CTNNA1: variants seen among roughly 807,000 people sequenced by gnomAD.
CTNNA1 encodes catenin alpha 1.
A neutral mutation model predicts 98.4 loss-of-function variants in CTNNA1; 37 were observed. The ratio of observed to expected loss-of-function variants is 0.38; its 90% CI spans 0.29 to 0.49. The LOEUF is 0.49. Ranked by LOEUF, CTNNA1 falls within the 20% of genes least tolerant of loss-of-function variation. The probability of loss-of-function intolerance (pLI) is 0.95; values close to 1 mark genes in which losing one functional copy is unlikely to be tolerated. For synonymous variants in CTNNA1, 404 were observed against 413.2 expected, an observed-to-expected ratio of 0.98 and a Z score of 0.27; for missense variants, 761 against 1,147.2, an observed-to-expected ratio of 0.66 and a Z score of 4.86.
intron 3 of CTNNA1, among the ~76,000 whole-genome samples, chr5:138,790,504 G>A (rs1449992865): frequency 2.0e-5 from 3 of 152,122 alleles, no homozygotes; most frequent in Admixed American, 6.5e-5. Context: ...AGTTCCTATG[G>A]CAATGATAAG....
intron 7 of CTNNA1, among the ~76,000 whole-genome samples, chr5:138,849,337 C>T (rs573699104): frequency 6.6e-6 from 1 of 152,066 alleles, no homozygotes; most frequent in South Asian, 2.1e-4. Context: ...TTAACAAACC[C>T]ACTATCTCAT....
chr5:138,790,095 A>G (rs555547285), intron 3 of CTNNA1, among the ~76,000 whole-genome samples: 2 of 152,314 alleles, frequency 1.3e-5, no homozygotes, highest in Admixed American at 6.5e-5. Context: ...GCCCAGAGGT[A>G]GGACCTAGAG....
chr5:138,880,936 G>GAA (rs5871683), intron 7 of CTNNA1: 3,420 of 360,598 alleles, frequency 9.5e-3, no homozygotes, highest in South Asian at 0.015. Context: ...ATATGGCAAG[G>GAA]AAAAAAAAAA....
chr5:138,920,128 G>A (rs573332195), intron 11 of CTNNA1, among the ~76,000 whole-genome samples: 164 of 152,028 alleles, frequency 1.1e-3, no homozygotes, highest in African/African-American at 3.8e-3. Context: ...ACAGGTGCTT[G>A]CCACCATGCC....
chr5:138,855,990 T>C (rs1347666268), intron 7 of CTNNA1, among the ~76,000 whole-genome samples: 1 of 152,208 alleles, frequency 6.6e-6, no homozygotes, highest in African/African-American at 2.4e-5. Context: ...ACTAGGGACA[T>C]TATAGAGTTA....
intron 7 of CTNNA1, among the ~76,000 whole-genome samples, chr5:138,849,463 G>C (rs551333014): frequency 1.3e-5 from 2 of 152,278 alleles, no homozygotes; most frequent in African/African-American, 4.8e-5. Context: ...GGTAGGACAG[G>C]CAGTGTGAGG....
At chr5:138,908,187 C>G (rs1416461939) in intron 10 of CTNNA1, among the ~76,000 whole-genome samples, 1 of 152,074 alleles carries the variant, frequency 6.6e-6, no homozygotes, top group Non-Finnish European at 1.5e-5. Context: ...CCTTGTTGGT[C>G]AGGCTGATCC....
chr5:138,881,955 G>A (rs1752991931), intron 7 of CTNNA1, among the ~76,000 whole-genome samples: 1 of 152,162 alleles, frequency 6.6e-6, no homozygotes, highest in South Asian at 2.1e-4. Flanking sequence ...AGAAAGCAGA[G>A]GTTTATTTGA....
chr5:138,856,792 A>T (rs1763767383), intron 7 of CTNNA1, among the ~76,000 whole-genome samples: 1 of 152,248 alleles, frequency 6.6e-6, no homozygotes, highest in Non-Finnish European at 1.5e-5. Flanking sequence ...TACAAGGTAG[A>T]AACTGGACCT....
Position 138,824,802 on chromosome 5 carries a change from A to T in CTNNA1, c.858+3A>T, listed in dbSNP as rs1561564928. The T allele has an allele frequency of 6.2e-7, 1 of 1,609,694 alleles. No individual in the cohort carries two copies. The highest frequency in any genetic ancestry group is 8.5e-7 in the Non-Finnish European group (1 of 1,176,166). ...CATATGCACTCAATAACTTTGACGT[A>T]AGTTATGCTTGGGTGGAAATTTCCA... On this transcript the variant is annotated splice_donor_region_variant and intron_variant, in intron 6 of 17. Transcript: ENST00000302763.
chr5:138,780,774 C>T (rs1349193243), intron 1 of CTNNA1, among the ~76,000 whole-genome samples: 1 of 152,144 alleles, frequency 6.6e-6, no homozygotes, highest in Non-Finnish European at 1.5e-5. Flanking sequence ...CCTTGGCTTC[C>T]CAAAGTGCTG....
intron 1 of CTNNA1, among the ~76,000 whole-genome samples, chr5:138,777,020 A>T (rs1286919509): frequency 1.0e-5 from 1 of 95,632 alleles, no homozygotes; most frequent in East Asian, 4.1e-4. Flanking sequence ...TCCCTCCCGG[A>T]TGGGGTGGCT....
Position 138,874,763 on chromosome 5 carries a change from C to G in CTNNA1, c.1063-11449C>G. On this transcript the variant is annotated intron_variant, in intron 7 of 17. Coordinates refer to ENST00000302763, the MANE Select transcript of CTNNA1 (RefSeq NM_001903.5). This position sits in a 1 kb window ranked among gnomAD's most constrained non-coding sequence, Gnocchi z 4.1. ...TTTAAAAAGAAGATAAAACATGTCT[C>G]TGTCATCATCGATATATGCTTTTAC... The G allele has an allele frequency of 2.5e-6, 2 of 802,798 alleles. No individual in the cohort carries two copies. Among genetic ancestry groups the G allele is most frequent in the Non-Finnish European group, 4.0e-6 (2 of 501,698 alleles). The allele number at this position is 802,798 out of a possible 1,614,324, so 49.7% of individuals were successfully genotyped here. A position where few individuals can be genotyped will look rare whatever the true frequency, so the allele number is the denominator to read the frequency against.
chr5:138,786,187 G>GA (rs1561524697), intron 3 of CTNNA1, among the ~76,000 whole-genome samples: 2 of 151,634 alleles, frequency 1.3e-5, no homozygotes, highest in South Asian at 4.2e-4. Flanking sequence ...CTTCTCTTTG[G>GA]AAAAAAAGAG....
At chr5:138,817,990 G>A (rs1015052447) in intron 5 of CTNNA1, among the ~76,000 whole-genome samples, 3 of 151,724 alleles carry the variant, frequency 2.0e-5, no homozygotes, top group Non-Finnish European at 4.4e-5. Context: ...AGGTTCAAAT[G>A]ATTCTTGAGC....
intron 1 of CTNNA1, among the ~76,000 whole-genome samples, chr5:138,759,036 C>T (rs1403429053): frequency 6.6e-6 from 1 of 152,190 alleles, no homozygotes; most frequent in African/African-American, 2.4e-5. Context: ...CTCCTGACCT[C>T]AGGTGATCAG....
At chr5:138,852,127 G>A (rs1205990948) in intron 7 of CTNNA1, among the ~76,000 whole-genome samples, 1 of 152,178 alleles carries the variant, frequency 6.6e-6, no homozygotes, top group Non-Finnish European at 1.5e-5. Context: ...TACCCAATTA[G>A]TAGTGCTATA....
intron 13 of CTNNA1, among the ~76,000 whole-genome samples, chr5:138,926,238 A>G (rs143201669): frequency 3.3e-5 from 5 of 152,192 alleles, no homozygotes; most frequent in Admixed American, 1.3e-4. Context: ...GGTCCTCCCC[A>G]TGTGTCACTC....
intron 10 of CTNNA1, 30 bp downstream of exon 10, chr5:138,904,471 T>C (rs1758743111): frequency 1.3e-6 from 2 of 1,587,010 alleles, no homozygotes; most frequent in Non-Finnish European, 1.7e-6. Flanking sequence ...GGTGACAGCA[T>C]AACCAAATTA....
Sources: allele counts gnomAD v4.1 joint callset (sites outside exome capture counted in the v4.1 genomes callset), GRCh38; gene constraint gnomAD v4.1.1; non-coding constraint Gnocchi (gnomAD v3.1); transcripts MANE v1.5; gene names NCBI Gene and HGNC (gene_info 2026-07-23, HGNC 2026-07-21).